UBASH3B: variants seen among roughly 807,000 people sequenced by gnomAD.
The protein encoded by UBASH3B is ubiquitin associated and SH3 domain containing B, also known as ubiquitin-associated and SH3 domain-containing protein B.
A neutral mutation model predicts 83.4 loss-of-function variants in UBASH3B; 37 were observed. The observed-to-expected ratio is 0.44, with a 90% CI of 0.34 to 0.58. The LOEUF is 0.58. Ranked by LOEUF, UBASH3B falls within the 20% of genes least tolerant of loss-of-function variation. The pLI is 0.01. For synonymous variants in UBASH3B, 304 were observed against 318.3 expected, an observed-to-expected ratio of 0.96 and a Z score of 0.48; for missense variants, 657 against 827.2, an observed-to-expected ratio of 0.79 and a Z score of 2.52.
At chr11:122,754,277 G>A (rs954849657) in intron 1 of UBASH3B, among the ~76,000 whole-genome samples, 2 of 152,236 alleles carry the variant, frequency 1.3e-5, no homozygotes, top group Non-Finnish European at 2.9e-5. Context: ...GAAGACGGAT[G>A]TTTCAGGCTT....
At position 122,744,898 on chromosome 11, in the gene UBASH3B, T is replaced by TGTGTGC. The variant is rs1293701124; in HGVS notation, c.162-31320_162-31319insTGTGCG. The stretch of plus-strand genomic sequence containing the variant: ...CTGTGTGTGTGTGTGTGTGTGTGTG[T>TGTGTGC]GCGCGCGCGCGCGCACTTGGGCACG... On this transcript the variant is annotated intron_variant, in intron 1 of 13. Transcript: ENST00000284273. 2.2e-3 allele frequency among the ~76,000 whole-genome samples: 236 copies of TGTGTGC among 107,920 alleles called. 2 individuals carry two copies. Among genetic ancestry groups the TGTGTGC allele is most frequent in the African/African-American group, 5.6e-3 (192 of 34,348 alleles). The allele number at this position is 107,920 out of a possible 152,430, so 70.8% of individuals were successfully genotyped here. A position where few individuals can be genotyped will look rare whatever the true frequency, so the allele number is the denominator to read the frequency against.
chr11:122,690,236 TTATATATATATATATCCAATTA>T (rs1863876015), intron 1 of UBASH3B, among the ~76,000 whole-genome samples: 3 of 76,814 alleles, frequency 3.9e-5, no homozygotes, highest in Non-Finnish European at 2.8e-5. Context: ...ATATCCAATT[TTATATATATATATATCCAATTA>T]TATATATATA....
intron 1 of UBASH3B, among the ~76,000 whole-genome samples, chr11:122,768,504 GTGTGTATA>G (rs1287176491): frequency 7.4e-6 from 1 of 135,208 alleles, no homozygotes; most frequent in African/African-American, 3.0e-5. Flanking sequence ...GTGTGTGTGT[GTGTGTATA>G]TATATATATT....
intron 1 of UBASH3B, among the ~76,000 whole-genome samples, chr11:122,706,411 T>C (rs1864120769): frequency 6.6e-6 from 1 of 152,190 alleles, no homozygotes; most frequent in Admixed American, 6.5e-5. Context: ...AAAGGTCTTG[T>C]TTGCACATCT....
At chr11:122,757,535 T>C (rs1275969357) in intron 1 of UBASH3B, among the ~76,000 whole-genome samples, 1 of 152,124 alleles carries the variant, frequency 6.6e-6, no homozygotes, top group Non-Finnish European at 1.5e-5. Flanking sequence ...AGATATTTCA[T>C]GCTGTGTTGT....
chr11:122,692,715 G>A (rs1394870185), intron 1 of UBASH3B, among the ~76,000 whole-genome samples: 2 of 152,224 alleles, frequency 1.3e-5, no homozygotes, highest in Non-Finnish European at 2.9e-5. Context: ...TGGGGAAATA[G>A]CCAGAGATGC....
At chr11:122,809,719 T>C in intron 13 of UBASH3B, 30 bp from the exon 14 acceptor site, 2 of 1,613,356 alleles carry the variant, frequency 1.2e-6, no homozygotes, top group Non-Finnish European at 1.7e-6. Context: ...TATCTCCTAA[T>C]ATCCCCTTTC....
intron 1 of UBASH3B, among the ~76,000 whole-genome samples, chr11:122,740,748 AG>A (rs1861010836): frequency 6.6e-6 from 1 of 152,176 alleles, no homozygotes; most frequent in Admixed American, 6.5e-5. Flanking sequence ...GGCAAGCTGA[AG>A]GCAGAAAGGT....
chr11:122,666,239 A>G (rs567017389), intron 1 of UBASH3B, among the ~76,000 whole-genome samples: 34 of 152,366 alleles, frequency 2.2e-4, no homozygotes, highest in South Asian at 4.1e-4. Flanking sequence ...TTTCAAAAAC[A>G]TTTACAGAGA....
intron 1 of UBASH3B, among the ~76,000 whole-genome samples, chr11:122,669,485 A>G (rs527330924): frequency 1.3e-5 from 2 of 152,332 alleles, no homozygotes; most frequent in South Asian, 2.1e-4. Flanking sequence ...CTCTTTTGCC[A>G]TGTAAGGTCA....
chr11:122,804,273 C>A (rs1861302015), intron 11 of UBASH3B, among the ~76,000 whole-genome samples: 1 of 152,010 alleles, frequency 6.6e-6, no homozygotes, highest in Admixed American at 6.6e-5. Flanking sequence ...GAGGTACAGC[C>A]CCAACAAGTG....
intron 1 of UBASH3B, among the ~76,000 whole-genome samples, chr11:122,760,683 A>G (rs1217719387): frequency 1.3e-5 from 2 of 152,316 alleles, no homozygotes; most frequent in East Asian, 3.9e-4. Flanking sequence ...TTTAAGTGTG[A>G]GAGAAGAACC....
chr11:122,748,425 G>A (rs1478746572), intron 1 of UBASH3B, among the ~76,000 whole-genome samples: 1 of 152,130 alleles, frequency 6.6e-6, no homozygotes, highest in Non-Finnish European at 1.5e-5. Flanking sequence ...CTATAGACGG[G>A]CACGCGCCAT....
In UBASH3B at chr11:122,789,297, G is replaced by A; in HGVS notation, c.969G>A (p.Trp323Ter). 6.2e-7 allele frequency: 1 copy of A among 1,614,182 alleles called. No homozygotes were observed. Among genetic ancestry groups the A allele is most frequent in the Non-Finnish European group, 8.5e-7 (1 of 1,180,030 alleles). Residue 323 changes from tryptophan (W) to a stop codon, truncating the protein, a stop_gained, in exon 6 of 14, where the codon TGG becomes TGA. Coordinates refer to ENST00000284273, the MANE Select transcript of UBASH3B (RefSeq NM_032873.5). LOFTEE classifies it high-confidence loss of function. ...YITKADECST[W>*]IFHGSYSILN... ...CCAAGGCTGATGAATGCAGCACCTG[G>A]ATATTTCATGGGTAAGCAGACACAA...
At chr11:122,685,996 G>T (rs1056075824) in intron 1 of UBASH3B, among the ~76,000 whole-genome samples, 1 of 152,148 alleles carries the variant, frequency 6.6e-6, no homozygotes, top group African/African-American at 2.4e-5. Context: ...CACACGCCAG[G>T]GAGGAGCAAA....
chr11:122,695,325 C>G (rs1297683227), intron 1 of UBASH3B, among the ~76,000 whole-genome samples: 1 of 152,222 alleles, frequency 6.6e-6, no homozygotes, highest in African/African-American at 2.4e-5. Context: ...CCTGTCATCA[C>G]TCAGTTGCAT....
At chr11:122,792,439 C>A (rs922637616) in intron 6 of UBASH3B, among the ~76,000 whole-genome samples, 1 of 151,856 alleles carries the variant, frequency 6.6e-6, no homozygotes. Flanking sequence ...CTGCCTCAGC[C>A]CCCCGAGTAG....
rs754596519 is a variant in UBASH3B, at chr11:122,656,156, A to T, written c.107A>T (p.Lys36Met). ...CGCCAACAGCGCCCCGGCACCATCA[A>T]GCATGGATCGGCGCTGGACGTGCTC... The part of the protein sequence containing the change: ...RNRQQRPGTI[K>M]HGSALDVLLS... Residue 36 changes from lysine (K) to methionine (M), a missense_variant, in exon 1 of 14, where the codon AAG (lysine) becomes ATG (methionine). By Grantham distance (95) the Lys-to-Met change is moderately conservative. Transcript: ENST00000284273. 1.9e-6 allele frequency: 3 copies of T among 1,580,772 alleles called. No homozygotes were observed. Among genetic ancestry groups the T allele is most frequent in the Non-Finnish European group, 2.6e-6 (3 of 1,164,820 alleles).
chr11:122,699,531 CTCTTTCTTTCTTTCTTTCTT>C (rs60346108), intron 1 of UBASH3B, among the ~76,000 whole-genome samples: 96 of 107,936 alleles, frequency 8.9e-4, no homozygotes, highest in African/African-American at 3.0e-3. Context: ...TTCTTTCTTT[CTCTTTCTTTCTTTCTTTCTT>C]TCTTTCTTTC....
Sources: gnomAD v4.1 joint callset for allele counts (sites outside exome capture counted in the v4.1 genomes callset) on GRCh38, gnomAD v4.1.1 for gene constraint, MANE v1.5 for transcripts, NCBI Gene and HGNC (gene_info 2026-07-23, HGNC 2026-07-21) for gene names.